HEXB: variants seen among roughly 807,000 people sequenced by gnomAD.
HEXB encodes the protein beta-hexosaminidase subunit beta.
Under a neutral mutation model 71.2 loss-of-function variants are expected in HEXB, and 51 were observed. The observed-to-expected ratio is 0.72, with a 90% CI of 0.57 to 0.90. The LOEUF (loss-of-function observed/expected upper bound fraction) is 0.90. Among genes scored for constraint, HEXB ranks in the 40% least tolerant of loss-of-function variants. HEXB has a pLI of 0.00. For missense variants in HEXB, 617 were observed against 677.0 expected (o/e 0.91, Z 0.98); for synonymous variants, 266 against 249.3 (o/e 1.07, Z -0.63).
chr5:74,698,878 T>C lies in HEXB; in HGVS notation c.669+1772T>C, dbSNP rs1561219120. On this transcript the variant is annotated intron_variant, in intron 5 of 13. Transcript: ENST00000261416. The stretch of plus-strand genomic sequence containing the variant: ...ATTTTTATGTGCTACTTGTCTCATT[T>C]TAGACTTAAAAAATGAATATACTAG... Among the ~76,000 whole-genome samples the C allele has an allele frequency of 2.0e-5, 3 of 152,060 alleles. No individual in the cohort carries two copies. In the South Asian group the frequency reaches 6.2e-4, roughly 32 times the overall value.
At chr5:74,643,284 A>G (rs1329503386) in intron 1 of HEXB, among the ~76,000 whole-genome samples, 2 of 152,234 alleles carry the variant, frequency 1.3e-5, no homozygotes, top group African/African-American at 4.8e-5. Flanking sequence ...AGCATCTCTC[A>G]GCCAATCCTA....
At chr5:74,643,260 C>T (rs1003390067) in intron 1 of HEXB, among the ~76,000 whole-genome samples, 5 of 152,170 alleles carry the variant, frequency 3.3e-5, no homozygotes, top group Non-Finnish European at 5.9e-5. Context: ...GCAATTCAAA[C>T]GGTGTAATCC....
In HEXB at chr5:74,721,134, C is replaced by A. The variant is rs766477016; in HGVS notation, c.1630C>A (p.Gln544Lys). 1 of 1,612,840 alleles carries A rather than the reference C, an allele frequency of 6.2e-7. No homozygotes were observed. The highest frequency in any genetic ancestry group is 1.7e-5 in the Admixed American group (1 of 59,998). ...TATCTACAGACGTGGAATAGCTGCA[C>A]AACCTCTTTATGCTGGATATTGTAA... ...CRMVERGIAA[Q>K]PLYAGYCNHE... Residue 544 changes from glutamine (Q) to lysine (K), a missense_variant, in exon 14 of 14, where the codon CAA becomes AAA. Coordinates refer to ENST00000261416, the MANE Select transcript of HEXB (RefSeq NM_000521.4).
At chr5:74,704,438 T>C (rs1282014191) in intron 5 of HEXB, among the ~76,000 whole-genome samples, 2 of 152,186 alleles carry the variant, frequency 1.3e-5, no homozygotes, top group African/African-American at 2.4e-5. Flanking sequence ...CTCTAGAGTA[T>C]ATATAAAATT....
chr5:74,685,361 C>A lies in HEXB; in HGVS notation c.101C>A (p.Ala34Glu). The change falls in exon 1 of 14, where the codon GCG becomes GAG. Residue 34 changes from alanine (A) to glutamate (E), a missense_variant. Physicochemically the swap from Ala to Glu is moderately radical, Grantham distance 107. Transcript: ENST00000261416. ...AAMLALLTQV[A>E]LVVQVAEAAR... ...ATGTTGGCGCTGCTGACTCAGGTGG[C>A]GCTGGTGGTGCAGGTGGCGGAGGCG... 6.3e-7 allele frequency: 1 copy of A among 1,587,086 alleles called. No individual in the cohort carries two copies. The highest frequency in any genetic ancestry group is 8.6e-7 in the Non-Finnish European group (1 of 1,168,214).
At chr5:74,678,589 C>T (rs1414911775) in intron 1 of HEXB, among the ~76,000 whole-genome samples, 1 of 151,440 alleles carries the variant, frequency 6.6e-6, no homozygotes, top group East Asian at 1.9e-4. Flanking sequence ...ATAAAGCATA[C>T]AATTCAAAAA....
At chr5:74,720,282 C>A in intron 11 of HEXB, 146 bp from the exon 12 acceptor site, 1 of 690,826 alleles carries the variant, frequency 1.4e-6, no homozygotes, top group Non-Finnish European at 2.6e-6. Flanking sequence ...TTTTGTGCCA[C>A]AACCATTAGC....
intron 6 of HEXB, among the ~76,000 whole-genome samples, chr5:74,712,538 C>A (rs1749573524): frequency 6.6e-6 from 1 of 152,096 alleles, no homozygotes; most frequent in Non-Finnish European, 1.5e-5. Flanking sequence ...CAGTGGGATA[C>A]AAATAAGCTC....
chr5:74,642,237 G>T (rs1350646052), intron 1 of HEXB, among the ~76,000 whole-genome samples: 1 of 152,156 alleles, frequency 6.6e-6, no homozygotes, highest in African/African-American at 2.4e-5. Context: ...CATTAACTCG[G>T]CAGCCTCACC....
chr5:74,697,101 A>G lies in HEXB; in HGVS notation c.664A>G (p.Thr222Ala). The change falls in exon 5 of 14, where the codon ACT (threonine) becomes GCT (alanine). Residue 222 changes from threonine (T) to alanine (A), a missense_variant. Thr to Ala is a moderately conservative substitution (Grantham distance 58). Transcript: ENST00000261416. ...HYLPVKIILK[T>A]LDAMAFNKFN... The stretch of plus-strand genomic sequence containing the variant: ...TCTGCCAGTTAAGATTATTCTTAAA[A>G]CTCTGGTAAGTAATTACTTCATTCT... The G allele has an allele frequency of 7.3e-7, 1 of 1,364,870 alleles. No homozygotes were observed. The highest frequency in any genetic ancestry group is 1.0e-6 in the Non-Finnish European group (1 of 953,458). 84.5% of individuals were successfully genotyped at this position (1,364,870 alleles called of 1,614,324 possible).
chr5:74,718,957 C>T lies in HEXB; in HGVS notation c.1403C>T (p.Pro468Leu). Residue 468 changes from proline (P) to leucine (L), a missense_variant, in exon 11 of 14, where the codon CCT (proline) becomes CTT (leucine). By Grantham distance (98) the Pro-to-Leu change is moderately conservative (BLOSUM62 -3). Coordinates refer to ENST00000261416, the MANE Select transcript of HEXB (RefSeq NM_000521.4). ...TGGAGGAAATACTATAAAGTGGAAC[C>T]TCTTGATTTTGGCGGTAAGTGAAGC... is the stretch of plus-strand genomic sequence containing the variant. ...QDWRKYYKVE[P>L]LDFGGTQKQK... 1 of 1,614,088 alleles carries T rather than the reference C, an allele frequency of 6.2e-7. No homozygotes were observed. The highest frequency in any genetic ancestry group is 2.2e-5 in the East Asian group (1 of 44,870).
chr5:74,676,998 T>C (rs1242685442), intron 1 of HEXB, among the ~76,000 whole-genome samples: 1 of 151,848 alleles, frequency 6.6e-6, no homozygotes, highest in Non-Finnish European at 1.5e-5. Context: ...GCCATTCTCC[T>C]GCCTCAGCCT....
At chr5:74,696,053 C>T (rs1206444988) in intron 3 of HEXB, among the ~76,000 whole-genome samples, 1 of 152,062 alleles carries the variant, frequency 6.6e-6, no homozygotes, top group Admixed American at 6.6e-5. Context: ...GACAGGAAGG[C>T]GTAGCAAAGA....
intron 6 of HEXB, among the ~76,000 whole-genome samples, chr5:74,707,077 A>G (rs1337406786): frequency 6.6e-6 from 1 of 152,248 alleles, no homozygotes; most frequent in African/African-American, 2.4e-5. Context: ...ACAGCCGGGT[A>G]TTCCTCTGAG....
chr5:74,685,200 G>A, upstream of HEXB: 1 of 1,438,078 alleles, frequency 7.0e-7, no homozygotes, highest in Non-Finnish European at 9.1e-7. Flanking sequence ...TCCGGGCCGG[G>A]CGGGAAGTCG....
intron 6 of HEXB, among the ~76,000 whole-genome samples, chr5:74,709,640 A>G (rs1008468596): frequency 5.3e-5 from 8 of 152,192 alleles, no homozygotes; most frequent in Non-Finnish European, 1.2e-4. Context: ...ACAAACTACC[A>G]TCAGAGAATA....
At chr5:74,688,715 A>G (rs1748928340) in intron 1 of HEXB, among the ~76,000 whole-genome samples, 1 of 152,164 alleles carries the variant, frequency 6.6e-6, no homozygotes, top group East Asian at 1.9e-4. Flanking sequence ...GTAAGCTAGG[A>G]TACTTTTGCA....
In HEXB at chr5:74,696,810, T is replaced by C. The variant is rs372628547; in HGVS notation, c.558+71T>C. ...CTAATAGAAAAAAATGTAACCTGTT[T>C]AGCTATTGCTTCCTGAAGATTTCAT... is the stretch of plus-strand genomic sequence containing the variant. On this transcript the variant is annotated intron_variant, in intron 4 of 13. Coordinates refer to ENST00000261416, the MANE Select transcript of HEXB (RefSeq NM_000521.4). The C allele has an allele frequency of 4.2e-5, 35 of 834,082 alleles. 1 individual carries two copies. The highest frequency in any genetic ancestry group is 2.8e-4 in the Admixed American group (14 of 50,810). 51.7% of individuals were successfully genotyped at this position (834,082 alleles called of 1,614,324 possible). A position where few individuals can be genotyped will look rare whatever the true frequency, so the allele number is the denominator to read the frequency against.
intron 1 of HEXB, among the ~76,000 whole-genome samples, chr5:74,654,318 G>A (rs746317916): frequency 1.5e-4 from 23 of 152,294 alleles, no homozygotes; most frequent in Non-Finnish European, 3.1e-4. Context: ...CAGAAATTTT[G>A]CATTTCTAAC....
Sources: allele counts gnomAD v4.1 joint callset (sites outside exome capture counted in the v4.1 genomes callset), GRCh38; gene constraint gnomAD v4.1.1; transcripts MANE v1.5; gene names NCBI Gene and HGNC (gene_info 2026-07-23, HGNC 2026-07-21).